UBE2K: variants seen among roughly 807,000 people sequenced by gnomAD.
UBE2K encodes the protein ubiquitin conjugating enzyme E2 K.
Under a neutral mutation model 30.0 loss-of-function variants are expected in UBE2K, and 6 were observed. That is an observed-to-expected ratio of 0.20 (90% CI 0.11 to 0.39). The LOEUF (loss-of-function observed/expected upper bound fraction) is 0.39. Among genes scored for constraint, UBE2K ranks in the 10% least tolerant of loss-of-function variants. The pLI is 1.00. For missense variants in UBE2K, 61 were observed against 241.6 expected (o/e 0.25, Z 4.96); for synonymous variants, 86 against 83.7 (o/e 1.03, Z -0.15).
At position 39,726,920 on chromosome 4, in the gene UBE2K, ATCT is replaced by A. The variant is rs147582652; in HGVS notation, c.64-10496_64-10494del. 7.5e-3 allele frequency among the ~76,000 whole-genome samples: 1,135 copies of A among 152,258 alleles called. 15 individuals carry two copies. Among genetic ancestry groups the A allele is most frequent in the African/African-American group, 0.026 (1,074 of 41,546 alleles). ...CCCCTTCTAGATTATTTTGAAACAA[ATCT>A]TCTGAGTTATTTTGCAGCAAACCCC... is the stretch of plus-strand genomic sequence containing the variant. On this transcript the variant is annotated intron_variant, in intron 1 of 6. Transcript: ENST00000261427.
chr4:39,701,317 G>A (rs1717996053), intron 1 of UBE2K, among the ~76,000 whole-genome samples: 1 of 152,142 alleles, frequency 6.6e-6, no homozygotes, highest in African/African-American at 2.4e-5. Flanking sequence ...TATTAATTGT[G>A]AGGATATAAA....
intron 4 of UBE2K, among the ~76,000 whole-genome samples, chr4:39,768,911 G>GCCT (rs1478394465): frequency 6.6e-6 from 1 of 152,138 alleles, no homozygotes; most frequent in Non-Finnish European, 1.5e-5. Flanking sequence ...AGGCTAGAGT[G>GCCT]CAGTGGCATG....
chr4:39,779,042 A>ACCCCCCCCCC lies in UBE2K; in HGVS notation c.*616_*617insCCCCCCCCCC, dbSNP rs3839130. 10 of 128,310 alleles carry ACCCCCCCCCC rather than the reference A, an allele frequency of 7.8e-5. No homozygotes were observed. Among genetic ancestry groups the ACCCCCCCCCC allele is most frequent in the African/African-American group, 1.5e-4 (5 of 32,914 alleles). 7.9% of individuals were successfully genotyped at this position (128,310 alleles called of 1,614,324 possible). A position where few individuals can be genotyped will look rare whatever the true frequency, so the allele number is the denominator to read the frequency against. On this transcript the variant is annotated 3_prime_UTR_variant, in exon 7 of 7. Coordinates refer to ENST00000261427, the MANE Select transcript of UBE2K (RefSeq NM_005339.5). The stretch of plus-strand genomic sequence containing the variant: ...TGGGACAGTGTCTGATTCCCCCTTC[A>ACCCCCCCCCC]CCCCCCCCACCCCCGCCTTGCCACA...
At chr4:39,737,292 C>T (rs561942340) in intron 1 of UBE2K, 128 bp from the exon 2 acceptor site, 65 of 486,940 alleles carry the variant, frequency 1.3e-4, no homozygotes, top group East Asian at 1.8e-4. Flanking sequence ...CTAGAAAAGC[C>T]GAGACTTATT....
intron 4 of UBE2K, among the ~76,000 whole-genome samples, chr4:39,765,967 A>C (rs1039850281): frequency 9.9e-5 from 15 of 152,218 alleles, no homozygotes; most frequent in African/African-American, 3.4e-4. Flanking sequence ...ATACACATAC[A>C]CAAAAGCCAA....
At chr4:39,728,974 T>A (rs376092088) in intron 1 of UBE2K, among the ~76,000 whole-genome samples, 1 of 102,958 alleles carries the variant, frequency 9.7e-6, no homozygotes, top group African/African-American at 3.4e-5. Flanking sequence ...GCCCCCCACC[T>A]TTTTTTTTTT....
chr4:39,701,177 G>A (rs1439502748), intron 1 of UBE2K, among the ~76,000 whole-genome samples: 2 of 152,026 alleles, frequency 1.3e-5, no homozygotes, highest in African/African-American at 2.4e-5. Context: ...TGTTTTAGAT[G>A]TTTGTTTTTA....
intron 1 of UBE2K, among the ~76,000 whole-genome samples, chr4:39,731,189 G>C (rs897684907): frequency 6.6e-6 from 1 of 151,530 alleles, no homozygotes; most frequent in Non-Finnish European, 1.5e-5. Flanking sequence ...CACGGCGCCC[G>C]GCCATCTTGT....
chr4:39,780,176 T>G lies in UBE2K; in HGVS notation c.*1742T>G, dbSNP rs374814749. 19 of 152,182 alleles carry G rather than the reference T, an allele frequency of 1.2e-4. 1 individual carries two copies. The highest frequency in any genetic ancestry group is 7.7e-4 in the East Asian group (4 of 5,202). 9.4% of individuals were successfully genotyped at this position (152,182 alleles called of 1,614,324 possible). A position where few individuals can be genotyped will look rare whatever the true frequency, so the allele number is the denominator to read the frequency against. ...CTTTTTATTGCTGTAGTTTATTTTC[T>G]AAAGATGCCAAAGGAAACAAGATTT... On this transcript the variant is annotated 3_prime_UTR_variant, in exon 7 of 7. Transcript: ENST00000261427.
chr4:39,750,720 CTTT>C (rs33938106), intron 3 of UBE2K, among the ~76,000 whole-genome samples: 4 of 143,016 alleles, frequency 2.8e-5, no homozygotes, highest in Admixed American at 6.9e-5. Flanking sequence ...AGATTAAATT[CTTT>C]TTTTTTTTTT....
chr4:39,725,534 T>A (rs1719707470), intron 1 of UBE2K, among the ~76,000 whole-genome samples: 1 of 152,168 alleles, frequency 6.6e-6, no homozygotes, highest in Non-Finnish European at 1.5e-5. Flanking sequence ...AAGGCTGGGA[T>A]TGGGTTTTTC....
At chr4:39,772,019 G>A (rs160088) in intron 4 of UBE2K, among the ~76,000 whole-genome samples, 125,162 of 152,018 alleles carry the variant, frequency 0.82, 51,944 homozygotes, top group East Asian at 0.92. Context: ...TTGTATTTTT[G>A]GCAGACAGTG....
At chr4:39,752,311 A>ATTTTTTTTTTTTT (rs751312791) in intron 3 of UBE2K, among the ~76,000 whole-genome samples, 3 of 118,544 alleles carry the variant, frequency 2.5e-5, no homozygotes, top group African/African-American at 9.5e-5. Flanking sequence ...CGCCTGGCTA[A>ATTTTTTTTTTTTT]TTTTTTTTTT....
intron 1 of UBE2K, among the ~76,000 whole-genome samples, chr4:39,703,578 G>C (rs559684745): frequency 6.6e-6 from 1 of 152,040 alleles, no homozygotes; most frequent in African/African-American, 2.4e-5. Flanking sequence ...GCCAGGCGTG[G>C]TGGCTCACGC....
chr4:39,739,004 A>G (rs984587279), intron 2 of UBE2K, among the ~76,000 whole-genome samples: 2 of 146,030 alleles, frequency 1.4e-5, no homozygotes, highest in African/African-American at 5.1e-5. Context: ...GTGGTTCTAT[A>G]ATTCTGTAAT....
At chr4:39,771,494 T>G in intron 4 of UBE2K, 1 of 1,476,700 alleles carries the variant, frequency 6.8e-7, no homozygotes, top group Non-Finnish European at 9.0e-7. Context: ...TTTAATCCCC[T>G]ATTTTCCCCA....
chr4:39,754,090 A>C (rs1721409075), intron 3 of UBE2K, among the ~76,000 whole-genome samples: 1 of 152,200 alleles, frequency 6.6e-6, no homozygotes, highest in Admixed American at 6.5e-5. Flanking sequence ...AATGGTCCTT[A>C]AAGCAGCATA....
chr4:39,729,078 C>T (rs941051230), intron 1 of UBE2K, among the ~76,000 whole-genome samples: 1 of 151,680 alleles, frequency 6.6e-6, no homozygotes, highest in Non-Finnish European at 1.5e-5. Context: ...AAGCAGTTCT[C>T]CTGCCTCAGC....
In UBE2K at chr4:39,760,283, A is replaced by G. The variant is rs990938856; in HGVS notation, c.299+4544A>G. ...TAAACATACACCTTCAGTATGCCCT[A>G]TCAGCTTCATTCCTAGGTATATATC... is the stretch of plus-strand genomic sequence containing the variant. On this transcript the variant is annotated intron_variant, in intron 4 of 6. Coordinates refer to ENST00000261427, the MANE Select transcript of UBE2K (RefSeq NM_005339.5). Among the ~76,000 whole-genome samples, 9 of 151,822 alleles carry G rather than the reference A, an allele frequency of 5.9e-5. No homozygotes were observed. In the South Asian group the frequency reaches 6.2e-4, roughly 10 times the overall value.
Sources: allele counts gnomAD v4.1 joint callset (sites outside exome capture counted in the v4.1 genomes callset), GRCh38; gene constraint gnomAD v4.1.1; transcripts MANE v1.5; gene names NCBI Gene and HGNC (gene_info 2026-07-23, HGNC 2026-07-21).